Variants in PERM1 observed in about 807,000 individuals in gnomAD.
PERM1 encodes the protein PPARGC1 and ESRR induced regulator, muscle 1, also known as PGC-1 and ERR-induced regulator in muscle protein 1.
A neutral mutation model predicts 44.1 loss-of-function variants in PERM1; 45 were observed. The ratio of observed to expected loss-of-function variants is 1.02; its 90% CI spans 0.80 to 1.31. PERM1 has a LOEUF of 1.31. Ranked by LOEUF, PERM1 falls within the 50% of genes most tolerant of loss-of-function variation. PERM1 has a pLI of 0.00. For synonymous variants in PERM1, 565 were observed against 477.1 expected, an observed-to-expected ratio of 1.18 and a Z score of -2.40; for missense variants, 1,189 against 1,106.9, an observed-to-expected ratio of 1.07 and a Z score of -1.05.
chr1:978,185 C>G (rs1435740395), intron 1 of PERM1, among the ~76,000 whole-genome samples: 1 of 136,542 alleles, frequency 7.3e-6, no homozygotes, highest in Non-Finnish European at 1.6e-5. Flanking sequence ...CCCACCCTAA[C>G]CCTGCACACT....
At chr1:975,860 C>A in exon 3 of PERM1, 1 of 360,366 alleles carries the variant, frequency 2.8e-6, no homozygotes. Context: ...AATGACCTCC[C>A]CACTATTGCC....
At chr1:976,362 G>C (rs1022520835) in intron 2 of PERM1, 93 bp from the exon 4 acceptor site, 5 of 1,478,176 alleles carry the variant, frequency 3.4e-6, no homozygotes, top group Middle Eastern at 2.0e-4. Context: ...GGCAAGGTCG[G>C]TGCGGCCAGG....
exon 1 of PERM1, chr1:978,939 A>C: frequency 6.6e-7 from 1 of 1,507,024 alleles, no homozygotes; most frequent in Non-Finnish European, 8.9e-7. Context: ...GGGGGGTCCC[A>C]GGCCCCGCCC....
chr1:976,179 C>A, exon 3 of PERM1: 1 of 1,545,282 alleles, frequency 6.5e-7, no homozygotes, highest in Non-Finnish European at 8.7e-7. Flanking sequence ...CTCCTAGGAG[C>A]TGGGGCTGGG....
rs1445609616 is a variant in PERM1, at chr1:976,506, C to T, written c.2268G>A (p.Trp756Ter). The change falls in exon 2 of 3, where the codon TGG becomes TGA. Residue 756 changes from tryptophan to a stop codon, truncating the protein, a stop_gained. Transcript: ENST00000433179. LOFTEE classifies it high-confidence loss of function. Reference sequence around the variant, plus strand: ...GCCCCCAGGCACCCAAACCTGTTTTCCAGGCGTCTGGGGTATGCGGATCTG... The same window carrying T: ...GCCCCCAGGCACCCAAACCTGTTTTTCAGGCGTCTGGGGTATGCGGATCTG... 1 of 1,549,524 alleles carries T rather than the reference C, an allele frequency of 6.5e-7. No homozygotes were observed. The highest frequency in any genetic ancestry group is 1.2e-5 in the South Asian group (1 of 84,064).
exon 3 of PERM1, chr1:976,154 C>T: frequency 6.5e-7 from 1 of 1,545,396 alleles, no homozygotes; most frequent in South Asian, 1.2e-5. Context: ...CTGCATCTCC[C>T]TGGCCCGGGC....
exon 1 of PERM1, chr1:979,363 A>G: frequency 6.6e-7 from 1 of 1,508,408 alleles, no homozygotes; most frequent in Non-Finnish European, 8.9e-7. Flanking sequence ...CAGGTGCTTG[A>G]GGATCCGAGG....
exon 1 of PERM1, chr1:980,863 G>A: frequency 7.1e-7 from 1 of 1,406,976 alleles, no homozygotes; most frequent in Non-Finnish European, 9.2e-7. Flanking sequence ...GAGAGGTGGG[G>A]CCCTGGGGGG....
At chr1:976,777 C>T (rs1468790417) in intron 1 of PERM1, 153 bp from the exon 3 acceptor site, 1 of 150,762 alleles carries the variant, frequency 6.6e-6, no homozygotes, top group Non-Finnish European at 1.2e-5. Context: ...CCACTCCCCC[C>T]GCCAACCCCG....
upstream of PERM1, chr1:981,143 G>A (rs1469138750): frequency 1.3e-5 from 20 of 1,548,822 alleles, no homozygotes; most frequent in East Asian, 4.4e-4. Context: ...AGACCTGGGA[G>A]CTCCCACCGC....
At chr1:979,156 G>A in exon 1 of PERM1, 1 of 1,550,068 alleles carries the variant, frequency 6.5e-7, no homozygotes, top group Non-Finnish European at 8.7e-7. Flanking sequence ...CGACCTCTGG[G>A]CTCCAACGTC....
In PERM1 at chr1:979,668, G is replaced by A. The variant is rs527439217; in HGVS notation, c.1362C>T (p.Ala454=). 3.6e-3 allele frequency: 5,591 copies of A among 1,550,274 alleles called. 28 individuals carry two copies. The highest frequency in any genetic ancestry group is 3.6e-3 in the Non-Finnish European group (4,086 of 1,146,914). Residue 454 remains alanine, a synonymous_variant, in exon 1 of 3, where the codon GCC becomes GCT. Coordinates refer to ENST00000433179, the Ensembl canonical transcript of PERM1. ...GGGTGGGAGGCCAGGCGAGGCCAGC[G>A]GCGTCGGCTCTGGGAACAGGTGTAG...
exon 1 of PERM1, chr1:979,108 T>G: frequency 6.5e-7 from 1 of 1,549,736 alleles, no homozygotes; most frequent in African/African-American, 1.4e-5. Flanking sequence ...CGGCACAGGA[T>G]CAGCTCTCGG....
At chr1:976,130 G>T in exon 3 of PERM1, 1 of 1,536,128 alleles carries the variant, frequency 6.5e-7, no homozygotes, top group Non-Finnish European at 8.8e-7. Context: ...GGCGCCTGTG[G>T]TCGTCTCCTC....
exon 1 of PERM1, chr1:979,767 A>T (rs1193622765): frequency 6.5e-7 from 1 of 1,550,346 alleles, no homozygotes; most frequent in Admixed American, 2.0e-5. Context: ...CCTCTAGCTT[A>T]GCCACTGGGC....
chr1:980,451 A>C (rs1048458212), exon 1 of PERM1: 2 of 1,539,050 alleles, frequency 1.3e-6, no homozygotes, highest in Non-Finnish European at 1.8e-6. Flanking sequence ...CTGTGTGCCC[A>C]CCCCCCTTGG....
rs1286209005 is a variant in PERM1, at chr1:978,879, A to T, written c.2149+2T>A. ...CGGGCTGTGGGATCCGAGAGCACGT[A>T]CCTGCCCGTCTAAGAGCCAGGTGGA... is the stretch of plus-strand genomic sequence containing the variant. On this transcript the variant is annotated splice_donor_variant, in intron 1 of 2. Transcript: ENST00000433179. LOFTEE classifies it high-confidence loss of function. The T allele has an allele frequency of 2.7e-6, 4 of 1,479,640 alleles. No homozygotes were observed. Among genetic ancestry groups the T allele is most frequent in the African/African-American group, 2.8e-5 (2 of 70,658 alleles). 91.7% of individuals were successfully genotyped at this position (1,479,640 alleles called of 1,614,324 possible). A position where few individuals can be genotyped will look rare whatever the true frequency, so the allele number is the denominator to read the frequency against.
Position 978,225 on chromosome 1 carries a change from C to T in PERM1, c.2149+656G>A, listed in dbSNP as rs540371076. Among the ~76,000 whole-genome samples, 850 of 147,554 alleles carry T rather than the reference C, an allele frequency of 5.8e-3. 2 individuals carry two copies. Among genetic ancestry groups the T allele is most frequent in the Non-Finnish European group, 9.7e-3 (646 of 66,850 alleles). On this transcript the variant is annotated intron_variant, in intron 1 of 2. Transcript: ENST00000433179. Reference sequence around the variant, plus strand: ...GCCTGGGAACTGCCTGCCCCGCACACGCCCGCCCCGGGAACCGCCTGCCCC... The same window carrying T: ...GCCTGGGAACTGCCTGCCCCGCACATGCCCGCCCCGGGAACCGCCTGCCCC...
exon 1 of PERM1, chr1:978,964 C>A: frequency 1.3e-6 from 2 of 1,508,368 alleles, no homozygotes; most frequent in Non-Finnish European, 1.8e-6. Flanking sequence ...GGAGGCCGAC[C>A]GGGGAGGCTC....
Sources: gnomAD v4.1 joint callset for allele counts (sites outside exome capture counted in the v4.1 genomes callset) on GRCh38, gnomAD v4.1.1 for gene constraint, MANE v1.5 for transcripts, NCBI Gene and HGNC (gene_info 2026-07-23, HGNC 2026-07-21) for gene names.